Variants in GALNT14 observed in about 807,000 individuals in gnomAD.
GALNT14 encodes UDP-GalNAc:polypeptide N-acetylgalactosaminyltransferase 14.
A neutral mutation model predicts 77.5 loss-of-function variants in GALNT14; 60 were observed. The observed-to-expected ratio is 0.77, with a 90% CI of 0.63 to 0.96. The LOEUF (loss-of-function observed/expected upper bound fraction) is 0.96, where lower values mean the gene tolerates loss of function less well. Ranked by LOEUF, GALNT14 falls within the 40% of genes least tolerant of loss-of-function variation. The pLI is 0.00. For missense variants in GALNT14, 710 were observed against 731.0 expected (o/e 0.97, Z 0.33); for synonymous variants, 280 against 281.7 (o/e 0.99, Z 0.06).
At chr2:30,986,775 C>T (rs1281699560) in intron 2 of GALNT14, among the ~76,000 whole-genome samples, 4 of 152,158 alleles carry the variant, frequency 2.6e-5, no homozygotes, top group Admixed American at 1.3e-4. Flanking sequence ...ACCTCCCACC[C>T]CCAGTACATG....
At chr2:31,102,906 T>C (rs1677350205) in intron 1 of GALNT14, among the ~76,000 whole-genome samples, 1 of 152,094 alleles carries the variant, frequency 6.6e-6, no homozygotes, top group Non-Finnish European at 1.5e-5. Flanking sequence ...CTTTGTCTAA[T>C]GCAAGTTCAT....
chr2:31,000,749 T>C (rs1670321552), intron 1 of GALNT14, among the ~76,000 whole-genome samples: 1 of 152,160 alleles, frequency 6.6e-6, no homozygotes, highest in African/African-American at 2.4e-5. Context: ...AATGTAAATG[T>C]TAGTCTCATC....
At chr2:31,023,426 C>T (rs1397951249) in intron 1 of GALNT14, among the ~76,000 whole-genome samples, 1 of 152,100 alleles carries the variant, frequency 6.6e-6, no homozygotes, top group East Asian at 1.9e-4. Flanking sequence ...CTGGACCACT[C>T]CCATTAGCAT....
chr2:31,122,984 A>G (rs1678490862), intron 1 of GALNT14, among the ~76,000 whole-genome samples: 1 of 152,138 alleles, frequency 6.6e-6, no homozygotes, highest in East Asian at 1.9e-4. Flanking sequence ...GATCAAGACC[A>G]TCCTGGCTAA....
At chr2:30,895,784 T>C in the GALNT14 span, among the ~76,000 whole-genome samples, 3 of 152,164 alleles carry the variant, frequency 2.0e-5, no homozygotes, top group Admixed American at 2.0e-4. Flanking sequence ...CACCTTCTCT[T>C]TCCCTGCTCT....
chr2:31,095,609 C>T (rs1354608787), intron 1 of GALNT14, among the ~76,000 whole-genome samples: 1 of 152,100 alleles, frequency 6.6e-6, no homozygotes, highest in Non-Finnish European at 1.5e-5. Flanking sequence ...GAGGGTAGTG[C>T]AGGCTGGCTA....
chr2:31,050,189 C>T (rs1673750147), intron 1 of GALNT14, among the ~76,000 whole-genome samples: 1 of 152,210 alleles, frequency 6.6e-6, no homozygotes, highest in African/African-American at 2.4e-5. Context: ...TTCAAGCTCC[C>T]AGGCCTCTCG....
chr2:30,987,264 G>A (rs942458121), intron 2 of GALNT14, among the ~76,000 whole-genome samples: 2 of 152,106 alleles, frequency 1.3e-5, no homozygotes, highest in African/African-American at 2.4e-5. Flanking sequence ...TGCATGTAAG[G>A]GGTGAGGTGG....
chr2:30,970,489 T>C (rs1187701873), intron 2 of GALNT14, among the ~76,000 whole-genome samples: 2 of 152,118 alleles, frequency 1.3e-5, no homozygotes, highest in Admixed American at 6.5e-5. Context: ...ATTGCTATCA[T>C]CACGCCCAGA....
intron 1 of GALNT14, among the ~76,000 whole-genome samples, chr2:31,057,370 G>GC (rs1558532964): frequency 2.1e-3 from 247 of 120,148 alleles, no homozygotes; most frequent in African/African-American, 8.2e-3. Flanking sequence ...GTGTGTGTGT[G>GC]TGTGTATATA....
intron 1 of GALNT14, among the ~76,000 whole-genome samples, chr2:31,087,934 C>T (rs1049634081): frequency 6.6e-5 from 10 of 152,180 alleles, no homozygotes; most frequent in Non-Finnish European, 1.5e-4. Context: ...CAGAGAGCTC[C>T]CTCGCCCCTT....
intron 1 of GALNT14, among the ~76,000 whole-genome samples, chr2:31,085,286 T>A (rs568425125): frequency 1.8e-4 from 27 of 152,270 alleles, no homozygotes; most frequent in African/African-American, 6.0e-4. Context: ...CCTTGGCACA[T>A]TTACTACCAG....
chr2:30,917,283 G>A (rs1484694071), intron 13 of GALNT14, among the ~76,000 whole-genome samples: 1 of 152,066 alleles, frequency 6.6e-6, no homozygotes, highest in Non-Finnish European at 1.5e-5. Flanking sequence ...GCTGGGTGAA[G>A]GAGTGTTTCT....
intron 1 of GALNT14, among the ~76,000 whole-genome samples, chr2:31,085,579 T>A (rs1299085750): frequency 6.6e-6 from 1 of 152,186 alleles, no homozygotes; most frequent in African/African-American, 2.4e-5. Flanking sequence ...GAAAACTCAG[T>A]CCCAGACTGA....
chr2:31,083,200 C>A (rs1351134463), intron 1 of GALNT14, among the ~76,000 whole-genome samples: 2 of 152,120 alleles, frequency 1.3e-5, no homozygotes, highest in Non-Finnish European at 2.9e-5. Context: ...TCTGTCCCTG[C>A]CATGTGCCCA....
At chr2:30,917,123 G>GAGC (rs1462424079) in intron 13 of GALNT14, among the ~76,000 whole-genome samples, 3 of 143,262 alleles carry the variant, frequency 2.1e-5, no homozygotes, top group Admixed American at 1.4e-4. Context: ...GAGTGAGGAC[G>GAGC]AGCCTGGGCC....
intron 2 of GALNT14, among the ~76,000 whole-genome samples, chr2:30,989,471 G>C (rs1669520533): frequency 6.7e-6 from 1 of 148,506 alleles, no homozygotes; most frequent in Non-Finnish European, 1.5e-5. Flanking sequence ...TTCCATTCCT[G>C]GCCCTTCAGT....
At chr2:31,014,882 G>A (rs1235055666) in intron 1 of GALNT14, among the ~76,000 whole-genome samples, 1 of 152,164 alleles carries the variant, frequency 6.6e-6, no homozygotes, top group African/African-American at 2.4e-5. Flanking sequence ...AGAGGAAGGA[G>A]AAGGAAACAT....
chr2:30,930,649 A>AGG (rs1169453536), intron 10 of GALNT14, among the ~76,000 whole-genome samples: 1 of 152,198 alleles, frequency 6.6e-6, no homozygotes, highest in Non-Finnish European at 1.5e-5. Flanking sequence ...CTAACTGAAA[A>AGG]GGGGGTGCTC....
Sources: gnomAD v4.1 joint callset for allele counts (sites outside exome capture counted in the v4.1 genomes callset) on GRCh38, gnomAD v4.1.1 for gene constraint, MANE v1.5 for transcripts, NCBI Gene and HGNC (gene_info 2026-07-23, HGNC 2026-07-21) for gene names.